Variants in UMOD observed in about 807,000 individuals in gnomAD.
UMOD encodes uromodulin, also known as Tamm-Horsfall urinary glycoprotein.
In UMOD, 64 loss-of-function variants were observed where a neutral mutation model predicts 66.0. The observed-to-expected ratio is 0.97, with a 90% CI of 0.79 to 1.19. UMOD has a LOEUF of 1.19. Among genes scored for constraint, UMOD ranks in the 50% most tolerant of loss-of-function variants. The pLI, the probability that UMOD is intolerant of heterozygous loss-of-function variation, is 0.00. For synonymous variants in UMOD, 398 were observed against 352.7 expected, an observed-to-expected ratio of 1.13 and a Z score of -1.44; for missense variants, 764 against 850.9, an observed-to-expected ratio of 0.90 and a Z score of 1.27.
intron 5 of UMOD, among the ~76,000 whole-genome samples, chr16:20,344,581 C>T (rs1366912444): frequency 2.2e-5 from 3 of 135,144 alleles, no homozygotes; most frequent in Admixed American, 1.6e-4. Context: ...TTAGCCTCGG[C>T]GACAGGGAGA....
Position 20,349,043 on chromosome 16 carries a change from C to T in UMOD, c.258G>A (p.Thr86=). 1 of 1,601,518 alleles carries T rather than the reference C, an allele frequency of 6.2e-7. No homozygotes were observed. The highest frequency in any genetic ancestry group is 2.3e-5 in the East Asian group (1 of 44,040). Residue 86 remains threonine, a synonymous_variant, in exon 3 of 11, where the codon ACG becomes ACA. Coordinates refer to ENST00000396138, the MANE Select transcript of UMOD (RefSeq NM_003361.4). The part of the protein sequence containing the change: ...NCSANSSCVN[T]PGSFSCVCPE... ...GGCAGACGCAGGAGAAGGAGCCTGGCGTGTTTACGCAGCTGCTGTTGGCGG... is the reference window on the plus strand; with the variant it reads ...GGCAGACGCAGGAGAAGGAGCCTGGTGTGTTTACGCAGCTGCTGTTGGCGG...
intron 6 of UMOD, among the ~76,000 whole-genome samples, chr16:20,342,116 A>T (rs1354794010): frequency 3.3e-5 from 5 of 152,230 alleles, no homozygotes; most frequent in Non-Finnish European, 7.3e-5. Context: ...AGGCATACGC[A>T]GGAGGATCAT....
At chr16:20,347,270 G>A (rs909856810) in intron 4 of UMOD, among the ~76,000 whole-genome samples, 10 of 152,214 alleles carry the variant, frequency 6.6e-5, no homozygotes, top group South Asian at 2.1e-4. Flanking sequence ...TGATCTGCCC[G>A]CTGCGGCCTC....
intron 5 of UMOD, among the ~76,000 whole-genome samples, chr16:20,345,003 T>A (rs1301486801): frequency 6.6e-6 from 1 of 152,178 alleles, no homozygotes; most frequent in Non-Finnish European, 1.5e-5. Flanking sequence ...GAAAATGACA[T>A]GAATTATTTC....
At chr16:20,351,068 T>G (rs1024519707) in intron 1 of UMOD, 2 of 385,452 alleles carry the variant, frequency 5.2e-6, no homozygotes, top group Non-Finnish European at 9.9e-6. Context: ...ACATTGCACA[T>G]TTTGAAGAAC....
chr16:20,335,875 C>G (rs1964841541), intron 9 of UMOD, among the ~76,000 whole-genome samples: 1 of 152,168 alleles, frequency 6.6e-6, no homozygotes, highest in African/African-American at 2.4e-5. Context: ...ATGACTGAGA[C>G]AGTGAAAGAG....
At chr16:20,342,099 C>T (rs1170023741) in intron 6 of UMOD, among the ~76,000 whole-genome samples, 3 of 152,204 alleles carry the variant, frequency 2.0e-5, no homozygotes, top group African/African-American at 7.2e-5. Flanking sequence ...AATCCCAATA[C>T]TTTAGGAGGC....
In UMOD at chr16:20,346,342, A is replaced by G. The variant is rs372449573; in HGVS notation, c.974-8T>C. The G allele has an allele frequency of 6.2e-6, 10 of 1,614,162 alleles. No homozygotes were observed. The African/African-American group carries it at 8.0e-5, about 13-fold the overall frequency. On this transcript the variant is annotated splice_region_variant and splice_polypyrimidine_tract_variant and intron_variant, in intron 4 of 10. Transcript: ENST00000396138. ...GCTCCAGGAGGGAGATATCTGAAAC[A>G]GGTTAGGTGGGATTGAGGACGTGTG...
At chr16:20,334,835 ATTT>A (rs11365132) in intron 10 of UMOD, among the ~76,000 whole-genome samples, 3 of 137,872 alleles carry the variant, frequency 2.2e-5, no homozygotes, top group Admixed American at 7.2e-5. Flanking sequence ...TTTGTCACCT[ATTT>A]TTTTTTTTTT....
In UMOD at chr16:20,348,468, G is replaced by T. The variant is rs1271292219; in HGVS notation, c.833C>A (p.Ala278Glu). 1.2e-6 allele frequency: 2 copies of T among 1,612,936 alleles called. No individual in the cohort carries two copies. The highest frequency in any genetic ancestry group is 8.5e-7 in the Non-Finnish European group (1 of 1,179,872). ...AGGYYVYNLT[A>E]PPECHLAYCT... The stretch of plus-strand genomic sequence containing the variant: ...GTACGCCAGGTGACACTCGGGGGGC[G>T]CTGTCAGGTTGTAGACGTAGTAGCC... The change falls in exon 3 of 11, where the codon GCG (alanine) becomes GAG (glutamate). Residue 278 changes from alanine (A) to glutamate (E), a missense_variant. Physicochemically the swap from Ala to Glu is moderately radical, Grantham distance 107. Transcript: ENST00000396138.
intron 1 of UMOD, among the ~76,000 whole-genome samples, chr16:20,351,977 C>A (rs1020657561): frequency 1.3e-5 from 2 of 149,592 alleles, no homozygotes; most frequent in African/African-American, 5.0e-5. Context: ...GAGATCGTGC[C>A]ACTGCACTCC....
chr16:20,346,295 T>C lies in UMOD; in HGVS notation c.1013A>G (p.Asn338Ser). The change falls in exon 5 of 11, where the codon AAT (asparagine) becomes AGT (serine). Residue 338 changes from asparagine to serine, a missense_variant. Transcript: ENST00000396138. ...LLEHRLECGANDMKVSLGKCQ... is the reference protein window; with the variant it reads ...LLEHRLECGASDMKVSLGKCQ... ...CTTGCCCAGCGACACCTTCATGTCA[T>C]TGGCCCCACATTCCAGCCTGTGCTC... 1 of 1,614,254 alleles carries C rather than the reference T, an allele frequency of 6.2e-7. No homozygotes were observed. The highest frequency in any genetic ancestry group is 1.3e-5 in the African/African-American group (1 of 75,068).
chr16:20,337,445 T>C lies in UMOD; in HGVS notation c.1586A>G (p.His529Arg), dbSNP rs1228942609. Residue 529 changes from histidine (H) to arginine (R), a missense_variant, in exon 8 of 11, where the codon CAC (histidine) becomes CGC (arginine). Transcript: ENST00000396138. Reference sequence around the variant, plus strand: ...CACTTGGATAGTTGAGTCTCTAGTGTGTGGGCATCTGGGAGGGTTACACAT... The same window carrying C: ...CACTTGGATAGTTGAGTCTCTAGTGCGTGGGCATCTGGGAGGGTTACACAT... ...KYFIIQDRCP[H>R]TRDSTIQVVE... The C allele has an allele frequency of 5.0e-6, 8 of 1,614,080 alleles. No individual in the cohort carries two copies. Among genetic ancestry groups the C allele is most frequent in the Non-Finnish European group, 6.8e-6 (8 of 1,180,046 alleles).
chr16:20,338,972 G>A (rs1965036022), intron 7 of UMOD, among the ~76,000 whole-genome samples: 1 of 152,136 alleles, frequency 6.6e-6, no homozygotes, highest in African/African-American at 2.4e-5. Context: ...TATTGGCCAG[G>A]CCAGTCTTGA....
In UMOD at chr16:20,337,407, C is replaced by T. The variant is rs748586775; in HGVS notation, c.1624G>A (p.Glu542Lys). 2.9e-5 allele frequency: 47 copies of T among 1,614,050 alleles called. No homozygotes were observed. The highest frequency in any genetic ancestry group is 3.7e-5 in the Non-Finnish European group (44 of 1,180,044). ...DSTIQVVENG[E>K]SSQGRFSVQM... is the part of the protein sequence containing the mutation. ...ACGGAAAATCGGCCCTGGGAGGACT[C>T]CCCATTCTCCACCACTTGGATAGTT... The change falls in exon 8 of 11, where the codon GAG becomes AAG. Residue 542 changes from glutamate (E) to lysine (K), a missense_variant. Coordinates refer to ENST00000396138, the MANE Select transcript of UMOD (RefSeq NM_003361.4).
chr16:20,336,670 T>A lies in UMOD; in HGVS notation c.1798A>T (p.Asn600Tyr), dbSNP rs753354618. The A allele has an allele frequency of 1.2e-6, 2 of 1,614,086 alleles. No homozygotes were observed. Among genetic ancestry groups the A allele is most frequent in the Non-Finnish European group, 1.7e-6 (2 of 1,179,966 alleles). Residue 600 changes from asparagine to tyrosine, a missense_variant, in exon 9 of 11, where the codon AAC becomes TAC. By Grantham distance (143) the Asn-to-Tyr change is moderately radical. Coordinates refer to ENST00000396138, the MANE Select transcript of UMOD (RefSeq NM_003361.4). ...GSVIDQSRVL[N>Y]LGPITRKGVQ... is the part of the protein sequence containing the mutation. ...CCTTTCCGTGTGATGGGACCCAAGT[T>A]CAGGACACGGGATTGATCTATGACA...
rs1425762272 is a variant in UMOD, at chr16:20,337,406, T to C, written c.1625A>G (p.Glu542Gly). 1.9e-6 allele frequency: 3 copies of C among 1,614,052 alleles called. No individual in the cohort carries two copies. The highest frequency in any genetic ancestry group is 2.5e-6 in the Non-Finnish European group (3 of 1,180,038). The part of the protein sequence containing the change: ...DSTIQVVENG[E>G]SSQGRFSVQM... The stretch of plus-strand genomic sequence containing the variant: ...GACGGAAAATCGGCCCTGGGAGGAC[T>C]CCCCATTCTCCACCACTTGGATAGT... Residue 542 changes from glutamate (E) to glycine (G), a missense_variant, in exon 8 of 11, where the codon GAG becomes GGG. Coordinates refer to ENST00000396138, the MANE Select transcript of UMOD (RefSeq NM_003361.4).
Position 20,348,521 on chromosome 16 carries a change from C to A in UMOD, c.780G>T (p.Ala260=). 6.2e-7 allele frequency: 1 copy of A among 1,606,938 alleles called. No individual in the cohort carries two copies. The highest frequency in any genetic ancestry group is 8.5e-7 in the Non-Finnish European group (1 of 1,178,930). Residue 260 remains alanine (A), a synonymous_variant, in exon 3 of 11, where the codon GCG becomes GCT. Transcript: ENST00000396138. ...HWSGHCCLWD[A]SVQVKACAGG... ...CGGCACAGGCCTTCACCTGGACGGA[C>A]GCATCCCACAGGCAGCAGTGGCCGC... is the stretch of plus-strand genomic sequence containing the variant.
At chr16:20,337,963 C>G (rs544709714) in intron 7 of UMOD, among the ~76,000 whole-genome samples, 1 of 152,286 alleles carries the variant, frequency 6.6e-6, no homozygotes, top group Non-Finnish European at 1.5e-5. Context: ...CGAAATAGAG[C>G]ATGCAGAGAC....
Sources: allele counts gnomAD v4.1 joint callset (sites outside exome capture counted in the v4.1 genomes callset), GRCh38; gene constraint gnomAD v4.1.1; transcripts MANE v1.5; gene names NCBI Gene and HGNC (gene_info 2026-07-23, HGNC 2026-07-21).